LZTS3: variants seen among roughly 807,000 people sequenced by gnomAD.
LZTS3 encodes the protein leucine zipper putative tumor suppressor 3.
Under a neutral mutation model 50.9 loss-of-function variants are expected in LZTS3, and 16 were observed. That is an observed-to-expected ratio of 0.31 (90% CI 0.21 to 0.48). The LOEUF is 0.48. LZTS3 is among the 20% of genes least tolerant of loss of function. The probability of loss-of-function intolerance (pLI) is 0.99; values close to 1 mark genes in which losing one functional copy is unlikely to be tolerated. For missense variants in LZTS3, 816 were observed against 931.0 expected, an observed-to-expected ratio of 0.88 and a Z score of 1.61; for synonymous variants, 408 against 410.6, an observed-to-expected ratio of 0.99 and a Z score of 0.08.
chr20:3,166,458 A>T (rs2066822970), intron 3 of LZTS3, 98 bp from the exon 4 acceptor site: 2 of 1,407,514 alleles, frequency 1.4e-6, no homozygotes, highest in Non-Finnish European at 1.9e-6. Context: ...CCCACCTCCC[A>T]CCCCTACTGG....
chr20:3,171,188 G>A (rs1246454499), intron 1 of LZTS3, among the ~76,000 whole-genome samples: 1 of 152,126 alleles, frequency 6.6e-6, no homozygotes, highest in Non-Finnish European at 1.5e-5. Context: ...TCCGGGAAAG[G>A]ACAACCTGAG....
Position 3,167,063 on chromosome 20 carries a change from CG to C in LZTS3, c.100del (p.Arg34AlafsTer19). 1 of 1,550,812 alleles carries C rather than the reference CG, an allele frequency of 6.4e-7. No individual in the cohort carries two copies. On this transcript the variant is annotated frameshift_variant, in exon 3 of 5. Coordinates refer to ENST00000337576, the MANE Select transcript of LZTS3 (RefSeq NM_001365618.1). LOFTEE classifies it high-confidence loss of function. ...RPSELGPPDPRLAMGSVGSGV... is the reference protein window; with the variant it reads ...RPSELGPPDPXLAMGSVGSGV... ...ACTGCCCACGCTGCCCATGGCCAGG[CG>C]GGGGTCCGGGGGTCCAAGCTCGGAG...
Position 3,164,940 on chromosome 20 carries a change from C to T in LZTS3, c.1536G>A (p.Leu512=), listed in dbSNP as rs1166499608. The T allele has an allele frequency of 2.6e-6, 4 of 1,550,588 alleles. No individual in the cohort carries two copies. The African/African-American group carries it at 4.1e-5, about 16-fold the overall frequency. ...GCGCCGGCTTGAGGCAGGCGGCAGG[C>T]AGCTCGCCTTCGCCCAGCTCCAGGC... ...QASLELGEGE[L]PAACLKPALT... is the part of the protein sequence containing the mutation. Residue 512 remains leucine (L), a synonymous_variant, in exon 5 of 5, where the codon CTG becomes CTA. Coordinates refer to ENST00000337576, the MANE Select transcript of LZTS3 (RefSeq NM_001365618.1).
In LZTS3 at chr20:3,170,476, G is replaced by A. The variant is rs548895317; in HGVS notation, c.-242-2515C>T. On this transcript the variant is annotated intron_variant, in intron 1 of 4. Coordinates refer to ENST00000337576, the MANE Select transcript of LZTS3 (RefSeq NM_001365618.1). ...TGCACTCCAGCCTGGAAGACAGAGC[G>A]AGACTACATCAAAAAAAAAAAAAAA... Among the ~76,000 whole-genome samples the A allele has an allele frequency of 5.7e-4, 36 of 62,952 alleles. No homozygotes were observed. In the East Asian group the frequency reaches 0.017, roughly 30 times the overall value. The allele number at this position is 62,952 out of a possible 152,430, so 41.3% of individuals were successfully genotyped here.
At chr20:3,167,255 C>T (rs897465792) in intron 2 of LZTS3, 74 bp from the exon 3 acceptor site, 23 of 1,419,160 alleles carry the variant, frequency 1.6e-5, no homozygotes, top group East Asian at 7.6e-5. Flanking sequence ...CAAGTCAACC[C>T]GGCACCGCTC....
In LZTS3 at chr20:3,166,766, G is replaced by C. The variant is rs141128004; in HGVS notation, c.398C>G (p.Pro133Arg). The C allele has an allele frequency of 6.2e-7, 1 of 1,613,918 alleles. No individual in the cohort carries two copies. The highest frequency in any genetic ancestry group is 1.7e-5 in the Admixed American group (1 of 60,028). ...SSSGGSDKAP[P>R]QYREPSHPPK... ...TGGGTGGCTGGGCTCACGATACTGC[G>C]GTGGGGCTTTGTCACTGCCACCACT... is the stretch of plus-strand genomic sequence containing the variant. The change falls in exon 3 of 5, where the codon CCG becomes CGG. Residue 133 changes from proline to arginine, a missense_variant. This residue lies in a region of LZTS3 where 700 missense variants were observed against 769.4 expected (regional missense o/e 0.91). Coordinates refer to ENST00000337576, the MANE Select transcript of LZTS3 (RefSeq NM_001365618.1).
chr20:3,166,389 G>A (rs755707819), intron 3 of LZTS3, 29 bp from the exon 4 acceptor site: 3 of 1,571,918 alleles, frequency 1.9e-6, no homozygotes, highest in Middle Eastern at 3.4e-4. Flanking sequence ...GGGGCTGGGG[G>A]TCAGGATGAG....
chr20:3,168,900 A>G (rs1420037358), intron 1 of LZTS3, among the ~76,000 whole-genome samples: 1 of 152,178 alleles, frequency 6.6e-6, no homozygotes, highest in Non-Finnish European at 1.5e-5. Context: ...GCCCAGACCA[A>G]GGGCACCTGA....
chr20:3,165,883 A>AGCAGGCCGCGAAAG lies in LZTS3; in HGVS notation c.923_936dup (p.Ser313LeufsTer103). The AGCAGGCCGCGAAAG allele has an allele frequency of 1.2e-6, 2 of 1,607,224 alleles. No individual in the cohort carries two copies. The highest frequency in any genetic ancestry group is 1.7e-6 in the Non-Finnish European group (2 of 1,179,556). On this transcript the variant is annotated frameshift_variant, in exon 4 of 5. Coordinates refer to ENST00000337576, the MANE Select transcript of LZTS3 (RefSeq NM_001365618.1). LOFTEE classifies it high-confidence loss of function. The surrounding 1 kb of genome is among the most constrained non-coding windows in gnomAD (Gnocchi z 5.0). Reference sequence around the variant, plus strand: ...ATGAGTGCACTGGGGGAGGGCGGTGAGCAGGCCGCGAAAGGCAGGCCTCCA... The same window carrying AGCAGGCCGCGAAAG: ...ATGAGTGCACTGGGGGAGGGCGGTGAGCAGGCCGCGAAAGGCAGGCCGCGAAAGGCAGGCCTCCA...
At chr20:3,172,458 G>A (rs900035494) in intron 1 of LZTS3, among the ~76,000 whole-genome samples, 1 of 152,124 alleles carries the variant, frequency 6.6e-6, no homozygotes, top group Non-Finnish European at 1.5e-5. Context: ...ACCCTGACCT[G>A]AGCCCCTCTC....
Position 3,167,178 on chromosome 20 carries a change from G to A in LZTS3, c.-15C>T, listed in dbSNP as rs372533835. On this transcript the variant is annotated 5_prime_UTR_variant, in exon 3 of 5. Transcript: ENST00000337576. ...AGCTTCGCCATGACTAAGCCAGGGG[G>A]GCACTGTGGGCACAGGTGGGAAGGC... The A allele has an allele frequency of 1.9e-5, 27 of 1,454,316 alleles. No individual in the cohort carries two copies. Among genetic ancestry groups the A allele is most frequent in the Middle Eastern group, 2.3e-4 (1 of 4,278 alleles). The allele number at this position is 1,454,316 out of a possible 1,614,324, so 90.1% of individuals were successfully genotyped here.
At position 3,167,969 on chromosome 20, in the gene LZTS3, A is replaced by G; in HGVS notation, c.-242-8T>C. 1 of 626,530 alleles carries G rather than the reference A, an allele frequency of 1.6e-6. No individual in the cohort carries two copies. The highest frequency in any genetic ancestry group is 2.0e-6 in the Non-Finnish European group (1 of 503,912). 38.8% of individuals were successfully genotyped at this position (626,530 alleles called of 1,614,324 possible). A position where few individuals can be genotyped will look rare whatever the true frequency, so the allele number is the denominator to read the frequency against. ...GGACTGCAGTTTTCTCCTCTGCGAA[A>G]TGGGAGGAATGAAGGACCTACCTTG... On this transcript the variant is annotated splice_region_variant and splice_polypyrimidine_tract_variant and intron_variant, in intron 1 of 4. Coordinates refer to ENST00000337576, the MANE Select transcript of LZTS3 (RefSeq NM_001365618.1).
chr20:3,166,600 T>C (rs1006460424), intron 3 of LZTS3, 105 bp downstream of exon 3: 6 of 1,419,408 alleles, frequency 4.2e-6, no homozygotes, highest in Non-Finnish European at 5.8e-6. Flanking sequence ...GCCTCCATCC[T>C]GCCCCCACAA....
At chr20:3,171,970 C>T (rs1307698254) in intron 1 of LZTS3, among the ~76,000 whole-genome samples, 1 of 152,160 alleles carries the variant, frequency 6.6e-6, no homozygotes, top group East Asian at 1.9e-4. Context: ...CTCCAACCCA[C>T]CCCTCAACCT....
In LZTS3 at chr20:3,165,691, G is replaced by T; in HGVS notation, c.1129C>A (p.Gln377Lys). 1.3e-6 allele frequency: 2 copies of T among 1,577,910 alleles called. No individual in the cohort carries two copies. The highest frequency in any genetic ancestry group is 1.8e-5 in the Admixed American group (1 of 56,678). ...LRQGCSGKLQ[Q>K]VARRAQRAQQ... ...GCGCGCTGGGCACGTCGGGCCACCTGCTGTAGCTTCCCGCTGCAGCCCTGC... is the reference window on the plus strand; with the variant it reads ...GCGCGCTGGGCACGTCGGGCCACCTTCTGTAGCTTCCCGCTGCAGCCCTGC... Residue 377 changes from glutamine (Q) to lysine (K), a missense_variant, in exon 4 of 5, where the codon CAG (glutamine) becomes AAG (lysine). Gln to Lys is a moderately conservative substitution (Grantham distance 53). Coordinates refer to ENST00000337576, the MANE Select transcript of LZTS3 (RefSeq NM_001365618.1). The surrounding 1 kb of genome is among the most constrained non-coding windows in gnomAD (Gnocchi z 5.0).
chr20:3,167,119 C>T lies in LZTS3; in HGVS notation c.45G>A (p.Arg15=), dbSNP rs753392045. 23 of 1,508,140 alleles carry T rather than the reference C, an allele frequency of 1.5e-5. No individual in the cohort carries two copies. In the Middle Eastern group the frequency reaches 1.3e-3, roughly 87 times the overall value. The allele number at this position is 1,508,140 out of a possible 1,614,324, so 93.4% of individuals were successfully genotyped here. The change falls in exon 3 of 5, where the codon CGG becomes CGA. Residue 15 remains arginine (R), a synonymous_variant. Transcript: ENST00000337576. ...ETLPVRADPG[R]DPLLAFAPRP... is the part of the protein sequence containing the mutation. The stretch of plus-strand genomic sequence containing the variant: ...GTGGGGCAAAGGCCAGGAGAGGATC[C>T]CGCCCTGGGTCAGCGCGCACAGGCA...
Position 3,166,855 on chromosome 20 carries a change from C to A in LZTS3, c.309G>T (p.Leu103=), listed in dbSNP as rs995915249. The A allele has an allele frequency of 1.2e-6, 2 of 1,613,902 alleles. No individual in the cohort carries two copies. Among genetic ancestry groups the A allele is most frequent in the Non-Finnish European group, 1.7e-6 (2 of 1,180,034 alleles). Residue 103 remains leucine (L), a synonymous_variant, in exon 3 of 5, where the codon CTG becomes CTT. Coordinates refer to ENST00000337576, the MANE Select transcript of LZTS3 (RefSeq NM_001365618.1). ...LANSLYLNGE[L]RGSDHTDVCG... ...AGACATCGGTGTGGTCACTGCCCCG[C>A]AGCTCACCATTGAGGTAGAGGGAGT...
intron 1 of LZTS3, among the ~76,000 whole-genome samples, chr20:3,171,615 G>A (rs73075045): frequency 0.12 from 18,412 of 149,404 alleles, 1,456 homozygotes; most frequent in Non-Finnish European, 0.17. Flanking sequence ...CAGTGATATT[G>A]CGCCACTGCA....
At chr20:3,166,502 A>G in intron 3 of LZTS3, 142 bp from the exon 4 acceptor site, 1 of 1,213,430 alleles carries the variant, frequency 8.2e-7, no homozygotes. Flanking sequence ...CCGGGGTTCT[A>G]CCTCATGGCT....
Sources: allele counts gnomAD v4.1 joint callset (sites outside exome capture counted in the v4.1 genomes callset), GRCh38; gene constraint gnomAD v4.1.1; regional missense constraint gnomAD v4.1.1; non-coding constraint Gnocchi (gnomAD v3.1); transcripts MANE v1.5; gene names NCBI Gene and HGNC (gene_info 2026-07-23, HGNC 2026-07-21).